The following GATB variants were observed in gnomAD, a reference collection of about 807,000 sequenced individuals.
The protein encoded by GATB is glutamyl-tRNA(Gln) amidotransferase subunit B, mitochondrial.
A neutral mutation model predicts 62.3 loss-of-function variants in GATB; 39 were observed. The ratio of observed to expected loss-of-function variants is 0.63; its 90% CI spans 0.48 to 0.82. The LOEUF (loss-of-function observed/expected upper bound fraction) is 0.82. GATB is among the 40% of genes least tolerant of loss of function. GATB has a pLI of 0.00. For synonymous variants in GATB, 276 were observed against 258.9 expected, an observed-to-expected ratio of 1.07 and a Z score of -0.63; for missense variants, 670 against 684.0, an observed-to-expected ratio of 0.98 and a Z score of 0.23.
intron 2 of GATB, among the ~76,000 whole-genome samples, chr4:151,739,451 A>G (rs914045470): frequency 3.3e-5 from 5 of 152,200 alleles, no homozygotes; most frequent in African/African-American, 1.2e-4. Flanking sequence ...AAAAGAGCTG[A>G]GGAAAAAAAC....
intron 9 of GATB, among the ~76,000 whole-genome samples, chr4:151,697,058 G>A (rs1169895087): frequency 6.6e-6 from 1 of 152,138 alleles, no homozygotes; most frequent in African/African-American, 2.4e-5. Context: ...CAGCCTCTAT[G>A]GAAAACAGTA....
intron 2 of GATB, among the ~76,000 whole-genome samples, chr4:151,733,879 G>A: frequency 6.6e-6 from 1 of 152,124 alleles, no homozygotes. Flanking sequence ...TGCAGAAAGG[G>A]CATTCGACAA....
intron 10 of GATB, among the ~76,000 whole-genome samples, chr4:151,681,263 G>A (rs1738132159): frequency 6.6e-6 from 1 of 152,198 alleles, no homozygotes; most frequent in South Asian, 2.1e-4. Context: ...TAAAACAGCT[G>A]ATGTACTGAG....
chr4:151,728,349 T>A (rs1739178456), intron 2 of GATB, among the ~76,000 whole-genome samples: 1 of 152,182 alleles, frequency 6.6e-6, no homozygotes, highest in African/African-American at 2.4e-5. Context: ...TGAGAATTGA[T>A]GAAGAAGAGA....
At chr4:151,673,038 G>C in intron 11 of GATB, 142 bp from the exon 12 acceptor site, 1 of 1,043,070 alleles carries the variant, frequency 9.6e-7, no homozygotes, top group East Asian at 2.5e-5. Flanking sequence ...TGGCCCAAAG[G>C]GAAAGGGCAC....
chr4:151,716,769 T>C (rs1229702599), intron 4 of GATB, 107 bp downstream of exon 4: 12 of 1,008,980 alleles, frequency 1.2e-5, no homozygotes, highest in South Asian at 1.1e-4. Context: ...CAGGCTCCTG[T>C]GACTGCTTTC....
Position 151,701,367 on chromosome 4 carries a change from G to A in GATB, c.1159C>T (p.Gln387Ter), listed in dbSNP as rs377571301. 1.3e-5 allele frequency: 20 copies of A among 1,589,954 alleles called. No homozygotes were observed. In the Admixed American group the frequency reaches 3.5e-4, roughly 28 times the overall value. ...PSVTREKLVQQYGMLLEHSFT... is the reference protein window; with the variant it reads ...PSVTREKLVQ ...CTGTGTTCCAGCAGCATCCCATACT[G>A]TTGGACAAGCTTCTCTCGGGTCACA... The change falls in exon 9 of 13, where the codon CAG becomes TAG. Residue 387 changes from glutamine (Q) to a stop codon, truncating the protein, a stop_gained. Transcript: ENST00000263985. LOFTEE classifies it high-confidence loss of function.
At chr4:151,711,930 C>A (rs1654841948) in intron 5 of GATB, among the ~76,000 whole-genome samples, 1 of 152,194 alleles carries the variant, frequency 6.6e-6, no homozygotes. Flanking sequence ...GACTAATCTG[C>A]AGTTGGAATC....
At chr4:151,735,750 A>ATATATATATATATATATATG (rs1739360403) in intron 2 of GATB, among the ~76,000 whole-genome samples, 2 of 140,088 alleles carry the variant, frequency 1.4e-5, no homozygotes, top group Non-Finnish European at 3.0e-5. Flanking sequence ...ATATATATAT[A>ATATATATATATATATATATG]TATATATGAT....
intron 2 of GATB, among the ~76,000 whole-genome samples, chr4:151,757,749 T>G (rs1739864716): frequency 6.6e-6 from 1 of 152,138 alleles, no homozygotes; most frequent in Admixed American, 6.5e-5. Context: ...AGTGCTGGGA[T>G]TACAGGCGTG....
At chr4:151,754,788 A>T (rs1291773980) in intron 2 of GATB, among the ~76,000 whole-genome samples, 2 of 152,008 alleles carry the variant, frequency 1.3e-5, no homozygotes, top group Admixed American at 6.5e-5. Flanking sequence ...AAATAATTTT[A>T]TCCATATACT....
chr4:151,758,230 C>G (rs1413181155), intron 2 of GATB, among the ~76,000 whole-genome samples: 1 of 152,120 alleles, frequency 6.6e-6, no homozygotes, highest in Non-Finnish European at 1.5e-5. Context: ...TTGACTCCTC[C>G]TCCTCCTTCA....
At chr4:151,745,581 T>G (rs1560864923) in intron 2 of GATB, among the ~76,000 whole-genome samples, 1 of 152,262 alleles carries the variant, frequency 6.6e-6, no homozygotes, top group Non-Finnish European at 1.5e-5. Context: ...TGCTGCAATG[T>G]GCATACATAT....
At chr4:151,734,686 C>T (rs1739335167) in intron 2 of GATB, among the ~76,000 whole-genome samples, 1 of 152,154 alleles carries the variant, frequency 6.6e-6, no homozygotes, top group South Asian at 2.1e-4. Context: ...TTAAACTATA[C>T]TATAAGGCCA....
In GATB at chr4:151,740,311, G is replaced by A. The variant is rs141484965; in HGVS notation, c.327+18461C>T. Among the ~76,000 whole-genome samples, 290 of 152,272 alleles carry A rather than the reference G, an allele frequency of 1.9e-3. 1 individual carries two copies. Among genetic ancestry groups the A allele is most frequent in the African/African-American group, 6.8e-3 (284 of 41,548 alleles). ...GAGACTTTGCTGTTGCATGAACATC[G>A]TAAGAGTGTACTCATACAAACCTGG... On this transcript the variant is annotated intron_variant, in intron 2 of 12. Transcript: ENST00000263985.
intron 2 of GATB, among the ~76,000 whole-genome samples, chr4:151,743,388 T>C (rs776050493): frequency 6.6e-6 from 1 of 152,248 alleles, no homozygotes; most frequent in Non-Finnish European, 1.5e-5. Context: ...TCATAACACA[T>C]GGTGCATACA....
intron 2 of GATB, among the ~76,000 whole-genome samples, chr4:151,749,565 C>A (rs1210330579): frequency 2.6e-5 from 4 of 151,848 alleles, no homozygotes; most frequent in African/African-American, 9.7e-5. Context: ...GTAAATACAC[C>A]AACATGGCAC....
At chr4:151,674,221 A>G (rs1896883) in intron 11 of GATB, 90,635 of 152,042 alleles carry the variant, frequency 0.6, 29,336 homozygotes, top group African/African-American at 0.87. Context: ...AATTCAGCAG[A>G]TATGTACGTG....
At chr4:151,684,479 T>C (rs1480645536) in intron 10 of GATB, among the ~76,000 whole-genome samples, 1 of 152,246 alleles carries the variant, frequency 6.6e-6, no homozygotes, top group African/African-American at 2.4e-5. Context: ...GTAATCATTC[T>C]CTACCAATTT....
Sources: gnomAD v4.1 joint callset for allele counts (sites outside exome capture counted in the v4.1 genomes callset) on GRCh38, gnomAD v4.1.1 for gene constraint, MANE v1.5 for transcripts, NCBI Gene and HGNC (gene_info 2026-07-23, HGNC 2026-07-21) for gene names.